The following ABCG2 variants were observed in gnomAD, a reference collection of about 807,000 sequenced individuals.
The protein encoded by ABCG2 is broad substrate specificity ATP-binding cassette transporter ABCG2.
Under a neutral mutation model 73.5 loss-of-function variants are expected in ABCG2, and 80 were observed. The observed-to-expected ratio is 1.09, with a 90% CI of 0.91 to 1.31. ABCG2 has a LOEUF of 1.31. Among genes scored for constraint, ABCG2 ranks in the 50% most tolerant of loss-of-function variants. The probability of loss-of-function intolerance (pLI) is 0.00; values close to 1 mark genes in which losing one functional copy is unlikely to be tolerated. For synonymous variants in ABCG2, 269 were observed against 282.4 expected, an observed-to-expected ratio of 0.95 and a Z score of 0.48; for missense variants, 796 against 786.2, an observed-to-expected ratio of 1.01 and a Z score of -0.15.
intron 11 of ABCG2, 89 bp from the exon 12 acceptor site, chr4:88,099,537 A>G: frequency 7.4e-7 from 1 of 1,353,616 alleles, no homozygotes; most frequent in Non-Finnish European, 9.9e-7. Context: ...ACCTCTGCTG[A>G]CAGCAGGGGT....
At chr4:88,111,352 A>G (rs1234757442) in intron 9 of ABCG2, among the ~76,000 whole-genome samples, 1 of 152,218 alleles carries the variant, frequency 6.6e-6, no homozygotes, top group East Asian at 1.9e-4. Flanking sequence ...CCTTTAATTG[A>G]TAGTATATAA....
chr4:88,130,160 A>G (rs1724746921), intron 5 of ABCG2, among the ~76,000 whole-genome samples: 1 of 152,172 alleles, frequency 6.6e-6, no homozygotes, highest in African/African-American at 2.4e-5. Context: ...ACTTCTGGGG[A>G]ACCAGGATGC....
intron 1 of ABCG2, among the ~76,000 whole-genome samples, chr4:88,151,221 A>C (rs375472554): frequency 6.6e-6 from 1 of 152,166 alleles, no homozygotes; most frequent in African/African-American, 2.4e-5. Flanking sequence ...CACTGTGGGA[A>C]GATTAGCAGC....
intron 1 of ABCG2, among the ~76,000 whole-genome samples, chr4:88,229,581 G>A (rs1730368774): frequency 6.6e-6 from 1 of 152,162 alleles, no homozygotes; most frequent in Admixed American, 6.6e-5. Context: ...ATGCATGTGT[G>A]GGAAAGATTC....
intron 1 of ABCG2, chr4:88,226,579 G>A (rs1200143798): frequency 6.6e-6 from 1 of 152,128 alleles, no homozygotes; most frequent in Non-Finnish European, 1.5e-5. Context: ...TATGAGGTAG[G>A]TAGTATTATT....
chr4:88,111,883 GA>G (rs1227729232), intron 9 of ABCG2, among the ~76,000 whole-genome samples: 1 of 152,018 alleles, frequency 6.6e-6, no homozygotes, highest in Non-Finnish European at 1.5e-5. Flanking sequence ...TTGAGCCCAG[GA>G]GATCCAGACC....
At chr4:88,125,106 C>A (rs1724294409) in intron 5 of ABCG2, among the ~76,000 whole-genome samples, 1 of 151,412 alleles carries the variant, frequency 6.6e-6, no homozygotes, top group Non-Finnish European at 1.5e-5. Flanking sequence ...TCCTGGCTAA[C>A]ACGGTGAAAC....
intron 1 of ABCG2, among the ~76,000 whole-genome samples, chr4:88,208,589 A>G (rs746177923): frequency 6.6e-5 from 10 of 152,228 alleles, no homozygotes; most frequent in Non-Finnish European, 1.3e-4. Flanking sequence ...AACTGGGGAC[A>G]CTGTGAAGCA....
In ABCG2 at chr4:88,131,598, A is replaced by C. The variant is rs558393393; in HGVS notation, c.378+205T>G. 4.6e-5 allele frequency among the ~76,000 whole-genome samples: 7 copies of C among 152,346 alleles called. No individual in the cohort carries two copies. The South Asian group carries it at 1.5e-3, about 32-fold the overall frequency. Reference sequence around the variant, plus strand: ...AAATGATACAAAAACTAGAATTGGTATCACTGTCCTTACAAGGGCCATATT... The same window carrying C: ...AAATGATACAAAAACTAGAATTGGTCTCACTGTCCTTACAAGGGCCATATT... On this transcript the variant is annotated intron_variant, in intron 4 of 15. Transcript: ENST00000237612.
chr4:88,118,039 C>A, intron 7 of ABCG2, 70 bp downstream of exon 7: 1 of 1,485,236 alleles, frequency 6.7e-7, no homozygotes. Flanking sequence ...AGCACTCCTG[C>A]AGACCCCCTT....
At chr4:88,222,833 T>G (rs1483614814) in intron 1 of ABCG2, among the ~76,000 whole-genome samples, 2 of 152,066 alleles carry the variant, frequency 1.3e-5, no homozygotes, top group East Asian at 3.9e-4. Context: ...CTGCAGACAC[T>G]CAACACCAGC....
intron 12 of ABCG2, 69 bp from the exon 13 acceptor site, chr4:88,097,676 G>C: frequency 6.6e-7 from 1 of 1,506,360 alleles, no homozygotes; most frequent in Non-Finnish European, 9.0e-7. Context: ...ATTGCTTATT[G>C]TGCAAATTTA....
intron 1 of ABCG2, among the ~76,000 whole-genome samples, chr4:88,156,810 A>G (rs1726973090): frequency 6.6e-6 from 1 of 152,300 alleles, no homozygotes; most frequent in South Asian, 2.1e-4. Context: ...ATCATAGGTA[A>G]TAAGAAGTAT....
chr4:88,170,251 C>T (rs369556510), intron 1 of ABCG2, among the ~76,000 whole-genome samples: 1 of 152,070 alleles, frequency 6.6e-6, no homozygotes, highest in Non-Finnish European at 1.5e-5. Flanking sequence ...TGTTTTAACA[C>T]TCTATTCCCT....
chr4:88,167,952 A>C (rs1199182512), intron 1 of ABCG2, among the ~76,000 whole-genome samples: 3 of 152,106 alleles, frequency 2.0e-5, no homozygotes, highest in African/African-American at 7.2e-5. Context: ...TAAACAGAGA[A>C]GTTACCAAGA....
chr4:88,093,101 G>A (rs1721747158), intron 15 of ABCG2, among the ~76,000 whole-genome samples: 1 of 152,184 alleles, frequency 6.6e-6, no homozygotes, highest in Admixed American at 6.5e-5. Flanking sequence ...AAATCATCTT[G>A]TACTAAAAAG....
chr4:88,106,996 C>T lies in ABCG2; in HGVS notation c.1277+188G>A, dbSNP rs560849131. Among the ~76,000 whole-genome samples the T allele has an allele frequency of 1.3e-3, 198 of 152,230 alleles. 1 individual carries two copies. The highest frequency in any genetic ancestry group is 4.5e-3 in the African/African-American group (187 of 41,554). On this transcript the variant is annotated intron_variant, in intron 10 of 15. Transcript: ENST00000237612. ...GGCGGAGATTGCAGTGAGCTGAGATCGCGTCACTGCACTCCAGCCTGGGCA... is the reference window on the plus strand; with the variant it reads ...GGCGGAGATTGCAGTGAGCTGAGATTGCGTCACTGCACTCCAGCCTGGGCA...
intron 5 of ABCG2, among the ~76,000 whole-genome samples, chr4:88,125,807 T>C (rs1301473766): frequency 1.3e-5 from 2 of 151,988 alleles, no homozygotes; most frequent in African/African-American, 4.8e-5. Flanking sequence ...TTTATAGCAC[T>C]AAATGCCCAC....
chr4:88,195,174 C>T (rs1728893848), intron 1 of ABCG2, among the ~76,000 whole-genome samples: 1 of 152,104 alleles, frequency 6.6e-6, no homozygotes, highest in South Asian at 2.1e-4. Flanking sequence ...TTCAAGGCTG[C>T]AGTGAGCTGT....
Sources: gnomAD v4.1 joint callset for allele counts (sites outside exome capture counted in the v4.1 genomes callset) on GRCh38, gnomAD v4.1.1 for gene constraint, MANE v1.5 for transcripts, NCBI Gene and HGNC (gene_info 2026-07-23, HGNC 2026-07-21) for gene names.